The following AVIL variants were observed in gnomAD, a reference collection of about 807,000 sequenced individuals.
The protein encoded by AVIL is advillin.
In AVIL, 78 loss-of-function variants were observed where a neutral mutation model predicts 109.9. The observed-to-expected ratio is 0.71, with a 90% CI of 0.59 to 0.86. The LOEUF is 0.86. AVIL is among the 40% of genes least tolerant of loss of function. The probability of loss-of-function intolerance (pLI) is 0.00; values close to 1 mark genes in which losing one functional copy is unlikely to be tolerated. For missense variants in AVIL, 892 were observed against 1,016.5 expected, an observed-to-expected ratio of 0.88 and a Z score of 1.67; for synonymous variants, 367 against 379.1, an observed-to-expected ratio of 0.97 and a Z score of 0.37.
chr12:57,805,696 G>A (rs367805398), intron 14 of AVIL, among the ~76,000 whole-genome samples: 62 of 151,988 alleles, frequency 4.1e-4, no homozygotes, highest in African/African-American at 1.4e-3. Flanking sequence ...GCCACACCCG[G>A]CTAATTTTTT....
At position 57,799,810 on chromosome 12, in the gene AVIL, G is replaced by A. The variant is rs202198298; in HGVS notation, c.2331C>T (p.Asn777=). 2.8e-5 allele frequency: 45 copies of A among 1,613,908 alleles called. 1 individual carries two copies. In the Admixed American group the frequency reaches 7.2e-4, roughly 26 times the overall value. ...NQNQELPEDV[N]PAKKENYLSE... ...AGCCACTCACCTCCTTTTTGGCAGG[G>A]TTTACATCCTCAGGCAGCTCCTGAT... The change falls in exon 19 of 20, where the codon AAC becomes AAT. Residue 777 remains asparagine (N), a synonymous_variant. Coordinates refer to ENST00000549994, the MANE Select transcript of AVIL (RefSeq NM_006576.4).
At chr12:57,813,760 A>G (rs1267053401) in intron 3 of AVIL, among the ~76,000 whole-genome samples, 1 of 152,174 alleles carries the variant, frequency 6.6e-6, no homozygotes, top group Non-Finnish European at 1.5e-5. Flanking sequence ...CACAGTGCTC[A>G]TCTGTACACC....
At chr12:57,817,932 C>G in intron 1 of AVIL, among the ~76,000 whole-genome samples, 1 of 152,144 alleles carries the variant, frequency 6.6e-6, no homozygotes, top group East Asian at 1.9e-4. Flanking sequence ...GTGTGGGGCA[C>G]AGTTTTGAAA....
Position 57,810,875 on chromosome 12 carries a change from G to C in AVIL, c.499C>G (p.Leu167Val), listed in dbSNP as rs765582319. 4 of 1,614,070 alleles carry C rather than the reference G, an allele frequency of 2.5e-6. No individual in the cohort carries two copies. In the East Asian group the frequency reaches 8.9e-5, roughly 36 times the overall value. Residue 167 changes from leucine to valine, a missense_variant, in exon 6 of 20, where the codon CTT becomes GTT. Physicochemically the swap from Leu to Val is conservative, Grantham distance 32. Coordinates refer to ENST00000549994, the MANE Select transcript of AVIL (RefSeq NM_006576.4). ...TTCCATTGGATGATGACTTTCCCAA[G>C]GTCCAGCAAGAAGACATCACCTCGG... ...FNRGDVFLLDLGKVIIQWNGP... is the reference protein window; with the variant it reads ...FNRGDVFLLDVGKVIIQWNGP...
rs373916395 is a variant in AVIL, at chr12:57,806,156, T to TA, written c.1671+203dup. 8.2e-5 allele frequency: 24 copies of TA among 292,520 alleles called. 1 individual carries two copies. The highest frequency in any genetic ancestry group is 4.5e-4 in the African/African-American group (20 of 44,586). 18.1% of individuals were successfully genotyped at this position (292,520 alleles called of 1,614,324 possible). ...AGCTTTTTTTTTTTTTTTTTTTTTT[T>TA]AATATCAAACGCTTCATGAATTTGC... On this transcript the variant is annotated intron_variant, in intron 14 of 19. Coordinates refer to ENST00000549994, the MANE Select transcript of AVIL (RefSeq NM_006576.4).
At chr12:57,811,356 A>G (rs1370944549) in intron 4 of AVIL, among the ~76,000 whole-genome samples, 1 of 152,180 alleles carries the variant, frequency 6.6e-6, no homozygotes, top group Non-Finnish European at 1.5e-5. Flanking sequence ...AGATACTACA[A>G]GGAAAATGAA....
At chr12:57,814,087 C>G in intron 3 of AVIL, 65 bp downstream of exon 3, 2 of 1,555,604 alleles carry the variant, frequency 1.3e-6, no homozygotes, top group Non-Finnish European at 1.8e-6. Flanking sequence ...CAGCACATCT[C>G]CCAGTACAGC....
At chr12:57,809,533 G>T in intron 9 of AVIL, 64 bp downstream of exon 9, 1 of 1,559,404 alleles carries the variant, frequency 6.4e-7, no homozygotes, top group Non-Finnish European at 8.8e-7. Context: ...GCTCTGTGGA[G>T]TGACACACCT....
chr12:57,816,071 C>T lies in AVIL; in HGVS notation c.-19-12G>A, dbSNP rs973236167. 1 of 1,595,762 alleles carries T rather than the reference C, an allele frequency of 6.3e-7. No individual in the cohort carries two copies. The highest frequency in any genetic ancestry group is 8.6e-7 in the Non-Finnish European group (1 of 1,168,984). On this transcript the variant is annotated splice_polypyrimidine_tract_variant and intron_variant, in intron 1 of 19. Transcript: ENST00000549994. Reference sequence around the variant, plus strand: ...TTGTCTTTCCAGGACTGAAACATCACAGAACAAGAGGGGAGATGATATCTC... The same window carrying T: ...TTGTCTTTCCAGGACTGAAACATCATAGAACAAGAGGGGAGATGATATCTC...
intron 14 of AVIL, among the ~76,000 whole-genome samples, chr12:57,805,127 C>T (rs1038682178): frequency 6.6e-6 from 1 of 152,142 alleles, no homozygotes; most frequent in Non-Finnish European, 1.5e-5. Flanking sequence ...GCAATCTCGG[C>T]TCACTGCAAC....
At chr12:57,814,045 A>G in intron 3 of AVIL, 107 bp downstream of exon 3, 1 of 1,189,568 alleles carries the variant, frequency 8.4e-7, no homozygotes, top group East Asian at 2.6e-5. Flanking sequence ...AACCATTGAG[A>G]CCGATACCAG....
intron 1 of AVIL, 185 bp from the exon 2 acceptor site, chr12:57,816,244 CTG>C (rs1162986673): frequency 3.6e-6 from 2 of 552,318 alleles, no homozygotes; most frequent in Non-Finnish European, 6.3e-6. Flanking sequence ...GTGAGCCTGG[CTG>C]GCCTGGGGAT....
In AVIL at chr12:57,815,964, G is replaced by T. The variant is rs1341631743; in HGVS notation, c.66+11C>A. On this transcript the variant is annotated intron_variant, in intron 2 of 19. Coordinates refer to ENST00000549994, the MANE Select transcript of AVIL (RefSeq NM_006576.4). ...AGTGGTCACAAGTAAGGTGCCTCCA[G>T]CCCAGCTCACCTCTATTCTCCAGAC... 3 of 1,613,956 alleles carry T rather than the reference G, an allele frequency of 1.9e-6. No homozygotes were observed. The highest frequency in any genetic ancestry group is 2.5e-6 in the Non-Finnish European group (3 of 1,180,022).
At chr12:57,811,235 C>G in intron 4 of AVIL, 108 bp from the exon 5 acceptor site, 2 of 1,044,110 alleles carry the variant, frequency 1.9e-6, no homozygotes, top group South Asian at 2.9e-5. Flanking sequence ...GACAGTACAT[C>G]AGCAAGGTAA....
intron 9 of AVIL, among the ~76,000 whole-genome samples, chr12:57,809,388 C>T (rs1232403998): frequency 6.6e-6 from 1 of 152,210 alleles, no homozygotes; most frequent in African/African-American, 2.4e-5. Flanking sequence ...AACTGAGGCC[C>T]ACAGGTGTTA....
intron 1 of AVIL, among the ~76,000 whole-genome samples, chr12:57,817,106 TA>T (rs1202879276): frequency 1.3e-5 from 2 of 152,088 alleles, no homozygotes; most frequent in Non-Finnish European, 2.9e-5. Context: ...GTAGAGGCTT[TA>T]TAGAATTAAA....
chr12:57,800,128 A>G (rs771380785), intron 18 of AVIL: 63 of 613,390 alleles, frequency 1.0e-4, no homozygotes, highest in Non-Finnish European at 1.5e-4. Flanking sequence ...TTCTTGGGAA[A>G]GCTGATTCAG....
At chr12:57,798,795 T>G (rs1396047032) in intron 19 of AVIL, among the ~76,000 whole-genome samples, 1 of 152,014 alleles carries the variant, frequency 6.6e-6, no homozygotes, top group Non-Finnish European at 1.5e-5. Flanking sequence ...TTTTGTATTT[T>G]TAGTACAGAC....
chr12:57,802,635 C>A (rs1467731034), intron 16 of AVIL: 3 of 675,104 alleles, frequency 4.4e-6, no homozygotes, highest in Non-Finnish European at 5.3e-6. Context: ...CTCTTGACTG[C>A]TCTAAGCACC....
Sources: gnomAD v4.1 joint callset for allele counts (sites outside exome capture counted in the v4.1 genomes callset) on GRCh38, gnomAD v4.1.1 for gene constraint, MANE v1.5 for transcripts, NCBI Gene and HGNC (gene_info 2026-07-23, HGNC 2026-07-21) for gene names.